The following SEC31A variants were observed in gnomAD, a reference collection of about 807,000 sequenced individuals.
The protein encoded by SEC31A is protein transport protein Sec31A.
A neutral mutation model predicts 151.0 loss-of-function variants in SEC31A; 70 were observed. The ratio of observed to expected loss-of-function variants is 0.46; its 90% CI spans 0.38 to 0.57. The LOEUF (loss-of-function observed/expected upper bound fraction) is 0.57, where lower values mean the gene tolerates loss of function less well. Ranked by LOEUF, SEC31A falls within the 20% of genes least tolerant of loss-of-function variation. SEC31A has a pLI of 0.00. For missense variants in SEC31A, 1,330 were observed against 1,471.2 expected (o/e 0.90, Z 1.57); for synonymous variants, 475 against 505.9 (o/e 0.94, Z 0.82).
chr4:82,824,760 C>T, intron 24 of SEC31A, 86 bp from the exon 25 acceptor site: 2 of 1,462,502 alleles, frequency 1.4e-6, no homozygotes, highest in Non-Finnish European at 1.8e-6. Context: ...TAAACAGAAA[C>T]CGACAACCTT....
At chr4:82,831,101 A>G (rs1725841416) in intron 22 of SEC31A, 1 of 203,742 alleles carries the variant, frequency 4.9e-6, no homozygotes, top group Non-Finnish European at 9.2e-6. Flanking sequence ...TAATAAGAGA[A>G]CAAAACTCAC....
At chr4:82,854,749 T>C (rs576195881) in intron 17 of SEC31A, among the ~76,000 whole-genome samples, 154 bp downstream of exon 17, 2 of 152,264 alleles carry the variant, frequency 1.3e-5, no homozygotes, top group East Asian at 1.9e-4. Flanking sequence ...GAAGACGTAT[T>C]TAATAAATCT....
At position 82,891,084 on chromosome 4, in the gene SEC31A, G is replaced by T. The variant is rs1180075227; in HGVS notation, c.-5+4C>A. On this transcript the variant is annotated splice_donor_region_variant and intron_variant, in intron 1 of 26. Coordinates refer to ENST00000395310, the MANE Select transcript of SEC31A (RefSeq NM_001077207.4). ...AGAGGACAAAAAGCAACGGGCGGAC[G>T]CACCTGGCGAGGACCTTCGGCAGCC... 6.5e-7 allele frequency: 1 copy of T among 1,535,900 alleles called. No individual in the cohort carries two copies. Among genetic ancestry groups the T allele is most frequent in the Non-Finnish European group, 8.7e-7 (1 of 1,146,750 alleles).
At chr4:82,855,942 TTAAAA>T (rs1238291288) in intron 16 of SEC31A, among the ~76,000 whole-genome samples, 1 of 152,150 alleles carries the variant, frequency 6.6e-6, no homozygotes, top group Admixed American at 6.5e-5. Flanking sequence ...ACCTCTGAAC[TTAAAA>T]TAAAAGTTAA....
intron 3 of SEC31A, among the ~76,000 whole-genome samples, chr4:82,898,527 G>A (rs1720158180): frequency 6.6e-6 from 1 of 152,222 alleles, no homozygotes; most frequent in Admixed American, 6.5e-5. Flanking sequence ...TCAGAATAAT[G>A]TAGGAAGCAC....
Position 82,820,184 on chromosome 4 carries a change from G to C in SEC31A, c.3483+853C>G, listed in dbSNP as rs187944210. Among the ~76,000 whole-genome samples the C allele has an allele frequency of 1.2e-3, 169 of 136,536 alleles. 2 individuals are homozygous for C. Among genetic ancestry groups the C allele is most frequent in the African/African-American group, 4.1e-3 (150 of 36,458 alleles). 89.6% of individuals were successfully genotyped at this position (136,536 alleles called of 152,430 possible). ...CGGTCTTGCTATGTTGCCCAGGCTGGTCTCAAACTCCTGGGCTCCAGTGAT... is the reference window on the plus strand; with the variant it reads ...CGGTCTTGCTATGTTGCCCAGGCTGCTCTCAAACTCCTGGGCTCCAGTGAT... On this transcript the variant is annotated intron_variant, in intron 26 of 26. Transcript: ENST00000395310.
At chr4:82,890,024 G>A (rs964305552) in intron 1 of SEC31A, among the ~76,000 whole-genome samples, 1 of 151,728 alleles carries the variant, frequency 6.6e-6, no homozygotes, top group Non-Finnish European at 1.5e-5. Context: ...GGTCAGGAGT[G>A]CCAGACCAGC....
chr4:82,836,672 T>C (rs975948734), intron 22 of SEC31A, among the ~76,000 whole-genome samples: 2 of 151,990 alleles, frequency 1.3e-5, no homozygotes, highest in African/African-American at 2.4e-5. Context: ...GTCAAATACA[T>C]AGAGACAGAA....
chr4:82,844,628 A>G (rs1278466776), intron 20 of SEC31A, 119 bp from the exon 21 acceptor site: 1 of 998,730 alleles, frequency 1.0e-6, no homozygotes, highest in Non-Finnish European at 1.5e-6. Flanking sequence ...TTTATTGCAT[A>G]AGAAACATTG....
At chr4:82,870,485 T>C in intron 7 of SEC31A, 61 bp from the exon 8 acceptor site, 1 of 1,313,454 alleles carries the variant, frequency 7.6e-7, no homozygotes, top group East Asian at 2.3e-5. Flanking sequence ...ATCTCAACTA[T>C]TTCTGCCTAG....
intron 1 of SEC31A, among the ~76,000 whole-genome samples, chr4:82,884,522 G>C (rs1430525699): frequency 6.6e-6 from 1 of 152,066 alleles, no homozygotes; most frequent in Non-Finnish European, 1.5e-5. Context: ...CATCATAAAG[G>C]TCTATTTGTT....
chr4:82,853,752 A>T, intron 17 of SEC31A, 37 bp from the exon 18 acceptor site: 1 of 1,555,654 alleles, frequency 6.4e-7, no homozygotes, highest in Non-Finnish European at 8.7e-7. Flanking sequence ...GATTATACCC[A>T]AGGCAATCTG....
rs1175925069 is a variant in SEC31A, at chr4:82,891,131, C to G, written c.-48G>C. 70 of 1,535,858 alleles carry G rather than the reference C, an allele frequency of 4.6e-5. No homozygotes were observed. The highest frequency in any genetic ancestry group is 1.9e-5 in the Non-Finnish European group (22 of 1,146,794). On this transcript the variant is annotated 5_prime_UTR_variant, in exon 1 of 27. Transcript: ENST00000395310. ...AGCCGGATCCTGCGTTAGTGCAGCG[C>G]TCGTCGGACTCTCCCAGCATTCGCC...
rs746382007 is a variant in SEC31A at position 82,882,247 on chromosome 4, C to CA, written c.-4-308dup. The stretch of plus-strand genomic sequence containing the variant: ...TGAGACCCCATCTCTACTAAAAATA[C>CA]AAAAAATTAGCCGGGCGTGGTGGCG... On this transcript the variant is annotated intron_variant, in intron 1 of 26. Coordinates refer to ENST00000395310, the MANE Select transcript of SEC31A (RefSeq NM_001077207.4). Among the ~76,000 whole-genome samples the CA allele has an allele frequency of 5.9e-5, 9 of 151,796 alleles. No homozygotes were observed. The East Asian group carries it at 1.7e-3, about 29-fold the overall frequency.
chr4:82,889,564 A>G (rs574602950), intron 1 of SEC31A, among the ~76,000 whole-genome samples: 3 of 146,224 alleles, frequency 2.1e-5, no homozygotes, highest in African/African-American at 7.5e-5. Context: ...AAAAAAAAGT[A>G]AAAGAAAAAA....
intron 22 of SEC31A, chr4:82,830,891 T>A: frequency 1.1e-6 from 1 of 895,528 alleles, no homozygotes; most frequent in Non-Finnish European, 1.5e-6. Context: ...TTAATTGTAT[T>A]CAATTATTCA....
chr4:82,832,825 T>C (rs1253221392), intron 22 of SEC31A, among the ~76,000 whole-genome samples: 2 of 152,152 alleles, frequency 1.3e-5, no homozygotes, highest in African/African-American at 4.8e-5. Context: ...CACTGGTCAT[T>C]GGAGAAATGC....
At chr4:82,881,815 AG>A (rs760854165) in intron 2 of SEC31A, 42 bp downstream of exon 2, 2 of 1,454,338 alleles carry the variant, frequency 1.4e-6, no homozygotes, top group Admixed American at 3.3e-5. Context: ...GCAGAAGAGA[AG>A]AAATTAGGTA....
intron 18 of SEC31A, 148 bp from the exon 19 acceptor site, chr4:82,851,752 T>C (rs2149359355): frequency 4.6e-6 from 3 of 648,630 alleles, no homozygotes; most frequent in Middle Eastern, 4.3e-4. Context: ...AGCCACTATT[T>C]AGGTAAGTGA....
Sources: gnomAD v4.1 joint callset for allele counts (sites outside exome capture counted in the v4.1 genomes callset) on GRCh38, gnomAD v4.1.1 for gene constraint, MANE v1.5 for transcripts, NCBI Gene and HGNC (gene_info 2026-07-23, HGNC 2026-07-21) for gene names.